Variants in UBR3 observed in about 807,000 individuals in gnomAD.
UBR3 encodes E3 ubiquitin-protein ligase UBR3.
In UBR3, 85 loss-of-function variants were observed where a neutral mutation model predicts 243.2. The ratio of observed to expected loss-of-function variants is 0.35; its 90% CI spans 0.29 to 0.42. The LOEUF is 0.42. UBR3 is among the 10% of genes least tolerant of loss of function. The probability of loss-of-function intolerance (pLI) is 1.00; values close to 1 mark genes in which losing one functional copy is unlikely to be tolerated. For synonymous variants in UBR3, 748 were observed against 799.8 expected (o/e 0.94, Z 1.09); for missense variants, 1,686 against 2,300.8 (o/e 0.73, Z 5.47).
intron 1 of UBR3, among the ~76,000 whole-genome samples, chr2:169,870,166 T>C (rs1353272854): frequency 1.3e-5 from 2 of 152,266 alleles, no homozygotes; most frequent in Non-Finnish European, 2.9e-5. Context: ...ATTTGCTTCC[T>C]GCATTTAAAT....
chr2:170,081,774 G>A lies in UBR3; in HGVS notation c.5598G>A (p.Glu1866=), dbSNP rs747226321. Residue 1866 remains glutamate, a synonymous_variant, in exon 39 of 39, where the codon GAG becomes GAA. Coordinates refer to ENST00000272793, the MANE Select transcript of UBR3 (RefSeq NM_172070.4). The part of the protein sequence containing the change: ...YICKERYKVL[E]QQWISHTFDH... ...GTAAGGAAAGATACAAAGTTCTTGA[G>A]CAACAGTGGATTTCTCATACTTTTG... 6 of 1,608,914 alleles carry A rather than the reference G, an allele frequency of 3.7e-6. No homozygotes were observed. Among genetic ancestry groups the A allele is most frequent in the Admixed American group, 3.4e-5 (2 of 59,578 alleles).
At chr2:169,995,183 A>AG (rs1419440545) in intron 26 of UBR3, among the ~76,000 whole-genome samples, 3 of 152,212 alleles carry the variant, frequency 2.0e-5, no homozygotes, top group Non-Finnish European at 2.9e-5. Context: ...GTGGTATGAA[A>AG]GGGCTCAGTG....
At chr2:169,966,680 TTC>T (rs1335963476) in intron 24 of UBR3, among the ~76,000 whole-genome samples, 1 of 152,182 alleles carries the variant, frequency 6.6e-6, no homozygotes, top group East Asian at 1.9e-4. Context: ...TTTACTTAAC[TTC>T]TCTCTACCTC....
At chr2:169,859,769 T>C (rs2083023628) in intron 1 of UBR3, among the ~76,000 whole-genome samples, 1 of 152,064 alleles carries the variant, frequency 6.6e-6, no homozygotes, top group African/African-American at 2.4e-5. Flanking sequence ...TAGGCTGGAG[T>C]GCAGTCGCAT....
intron 1 of UBR3, among the ~76,000 whole-genome samples, chr2:169,842,128 G>C (rs2082315887): frequency 2.6e-5 from 4 of 152,182 alleles, no homozygotes; most frequent in Admixed American, 2.6e-4. Flanking sequence ...GCTCTGGTGA[G>C]GACGTGGAGA....
At chr2:169,850,632 C>A (rs2082625327) in intron 1 of UBR3, among the ~76,000 whole-genome samples, 1 of 152,106 alleles carries the variant, frequency 6.6e-6, no homozygotes, top group African/African-American at 2.4e-5. Context: ...ATCACGAGGT[C>A]AGGAGATTGA....
intron 33 of UBR3, among the ~76,000 whole-genome samples, chr2:170,060,685 C>T (rs1387972874): frequency 1.3e-5 from 2 of 152,024 alleles, no homozygotes; most frequent in African/African-American, 4.8e-5. Context: ...CTCCCTCAGT[C>T]TTGCTGGTCA....
At chr2:170,048,282 G>A (rs1325298414) in intron 32 of UBR3, among the ~76,000 whole-genome samples, 3 of 152,070 alleles carry the variant, frequency 2.0e-5, no homozygotes, top group African/African-American at 4.8e-5. Context: ...AGCATCTCTG[G>A]ACTAGTTTTG....
At chr2:170,060,627 C>T (rs879707591) in intron 33 of UBR3, among the ~76,000 whole-genome samples, 36 of 152,018 alleles carry the variant, frequency 2.4e-4, no homozygotes, top group African/African-American at 8.5e-4. Context: ...TTGCCACATT[C>T]GCTGCTTAGA....
rs542553334 is a variant in UBR3 at position 170,083,281 on chromosome 2, G to A, written c.*1438G>A. 2.0e-5 allele frequency: 3 copies of A among 152,620 alleles called. No individual in the cohort carries two copies. The East Asian group carries it at 5.8e-4, about 29-fold the overall frequency. The allele number at this position is 152,620 out of a possible 1,614,324, so 9.5% of individuals were successfully genotyped here. A position where few individuals can be genotyped will look rare whatever the true frequency, so the allele number is the denominator to read the frequency against. Reference sequence around the variant, plus strand: ...ATGGCCTTGCATTAAAATATGGAAAGCAGAGCAGTACATATTCAAATGTAT... The same window carrying A: ...ATGGCCTTGCATTAAAATATGGAAAACAGAGCAGTACATATTCAAATGTAT... On this transcript the variant is annotated 3_prime_UTR_variant, in exon 39 of 39. Coordinates refer to ENST00000272793, the MANE Select transcript of UBR3 (RefSeq NM_172070.4).
chr2:169,888,994 C>A (rs1237454601), intron 5 of UBR3, among the ~76,000 whole-genome samples: 1 of 151,968 alleles, frequency 6.6e-6, no homozygotes, highest in Non-Finnish European at 1.5e-5. Context: ...CTGATTATTT[C>A]TTTGGGTTAA....
chr2:169,952,220 G>A (rs1476783477), intron 23 of UBR3, among the ~76,000 whole-genome samples: 1 of 152,162 alleles, frequency 6.6e-6, no homozygotes, highest in Non-Finnish European at 1.5e-5. Context: ...GACTGACGAA[G>A]GGATGGCTGA....
At chr2:170,007,217 T>C (rs1334179627) in intron 28 of UBR3, 27 bp downstream of exon 28, 9 of 1,562,504 alleles carry the variant, frequency 5.8e-6, no homozygotes, top group Admixed American at 3.8e-5. Context: ...GGCATAAATA[T>C]CCTGGTTAAC....
At chr2:170,026,540 C>G (rs1021266991) in intron 30 of UBR3, among the ~76,000 whole-genome samples, 1 of 152,074 alleles carries the variant, frequency 6.6e-6, no homozygotes. Flanking sequence ...AGACACATGG[C>G]TAGTACAGAC....
At chr2:170,013,634 TC>T (rs1404598084) in intron 29 of UBR3, among the ~76,000 whole-genome samples, 1 of 152,118 alleles carries the variant, frequency 6.6e-6, no homozygotes, top group Non-Finnish European at 1.5e-5. Context: ...ATGTTTGTCA[TC>T]CGTTATATTT....
At chr2:169,966,396 G>A (rs2087811258) in intron 24 of UBR3, among the ~76,000 whole-genome samples, 1 of 152,110 alleles carries the variant, frequency 6.6e-6, no homozygotes, top group East Asian at 1.9e-4. Flanking sequence ...AATTTATACA[G>A]TACAGAAAAG....
At chr2:169,844,200 T>A (rs1036830212) in intron 1 of UBR3, among the ~76,000 whole-genome samples, 2 of 152,002 alleles carry the variant, frequency 1.3e-5, no homozygotes, top group Non-Finnish European at 2.9e-5. Context: ...AGAGATAGGG[T>A]TTCACCATGT....
rs367654531 is a variant in UBR3, at chr2:169,984,571, A to G, written c.3635-2074A>G. On this transcript the variant is annotated intron_variant, in intron 24 of 38. Transcript: ENST00000272793. ...TTATTTATTTTTTCATATCTCACAG[A>G]TAAGTGAGAAACTATAATCACATTT... 1.5e-4 allele frequency among the ~76,000 whole-genome samples: 23 copies of G among 152,290 alleles called. No individual in the cohort carries two copies. The East Asian group carries it at 4.0e-3, about 27-fold the overall frequency.
chr2:169,863,959 C>T (rs1033153963), intron 1 of UBR3, among the ~76,000 whole-genome samples: 4 of 152,220 alleles, frequency 2.6e-5, no homozygotes, highest in Non-Finnish European at 5.9e-5. Flanking sequence ...TAAATATCAC[C>T]TCTTCAGAAA....
Sources: allele counts gnomAD v4.1 joint callset (sites outside exome capture counted in the v4.1 genomes callset), GRCh38; gene constraint gnomAD v4.1.1; transcripts MANE v1.5; gene names NCBI Gene and HGNC (gene_info 2026-07-23, HGNC 2026-07-21).